Variants in PRPF6 observed in about 807,000 individuals in gnomAD.
PRPF6 encodes the protein pre-mRNA-processing factor 6.
A neutral mutation model predicts 118.3 loss-of-function variants in PRPF6; 42 were observed. The ratio of observed to expected loss-of-function variants is 0.35; its 90% CI spans 0.28 to 0.46. PRPF6 has a LOEUF of 0.46. Ranked by LOEUF, PRPF6 falls within the 20% of genes least tolerant of loss-of-function variation. The probability of loss-of-function intolerance (pLI) is 1.00; values close to 1 mark genes in which losing one functional copy is unlikely to be tolerated. For synonymous variants in PRPF6, 481 were observed against 485.1 expected, an observed-to-expected ratio of 0.99 and a Z score of 0.11; for missense variants, 662 against 1,255.7, an observed-to-expected ratio of 0.53 and a Z score of 7.15.
At chr20:63,992,809 C>T (rs936451894) in intron 3 of PRPF6, among the ~76,000 whole-genome samples, 2 of 152,060 alleles carry the variant, frequency 1.3e-5, no homozygotes, top group Non-Finnish European at 2.9e-5. Flanking sequence ...TCTTGGCTCA[C>T]TGCACCCTCT....
At chr20:63,991,846 TACAA>T (rs1367607081) in intron 3 of PRPF6, among the ~76,000 whole-genome samples, 1 of 152,102 alleles carries the variant, frequency 6.6e-6, no homozygotes, top group Non-Finnish European at 1.5e-5. Context: ...ACTGTCGTAA[TACAA>T]ACAAGTAGGA....
At chr20:63,995,818 G>A (rs562197841) in intron 6 of PRPF6, among the ~76,000 whole-genome samples, 244 of 151,736 alleles carry the variant, frequency 1.6e-3, no homozygotes, top group African/African-American at 5.5e-3. Flanking sequence ...CACCACACCC[G>A]GCTAATTTTT....
chr20:64,008,609 G>A (rs368476335), intron 9 of PRPF6, among the ~76,000 whole-genome samples: 1 of 147,144 alleles, frequency 6.8e-6, no homozygotes, highest in Admixed American at 6.7e-5. Flanking sequence ...GTGCAAAACG[G>A]TGACATTATA....
chr20:64,031,396 G>A (rs1037911752), intron 19 of PRPF6, among the ~76,000 whole-genome samples: 10 of 152,222 alleles, frequency 6.6e-5, no homozygotes, highest in Admixed American at 2.0e-4. Flanking sequence ...AACAGTTTGG[G>A]ACAGGTGCGG....
chr20:64,000,946 G>GT, intron 8 of PRPF6, 131 bp from the exon 9 acceptor site: 4 of 914,332 alleles, frequency 4.4e-6, no homozygotes, highest in Non-Finnish European at 7.0e-6. Context: ...GTGCAGGTGT[G>GT]TTAGAGGCTG....
intron 12 of PRPF6, 146 bp from the exon 13 acceptor site, chr20:64,022,611 A>G (rs1431449174): frequency 7.8e-7 from 1 of 1,287,736 alleles, no homozygotes; most frequent in Non-Finnish European, 1.1e-6. Context: ...CCTGGCCTGG[A>G]TTGTGGTTCT....
intron 9 of PRPF6, among the ~76,000 whole-genome samples, chr20:64,003,387 T>C (rs1468980139): frequency 6.6e-6 from 1 of 152,218 alleles, no homozygotes; most frequent in Non-Finnish European, 1.5e-5. Context: ...GATAGGACCG[T>C]GCAGATGAGG....
chr20:64,010,263 A>C lies in PRPF6; in HGVS notation c.1250A>C (p.Glu417Ala). ...GCAGCCGTTGAGCTGGAAGAACCTGAAGATGCTAGAATCATGCTGAGCCGA... is the reference window on the plus strand; with the variant it reads ...GCAGCCGTTGAGCTGGAAGAACCTGCAGATGCTAGAATCATGCTGAGCCGA... ...WKAAVELEEP[E>A]DARIMLSRAV... Residue 417 changes from glutamate (E) to alanine (A), a missense_variant, in exon 10 of 21, where the codon GAA (glutamate) becomes GCA (alanine). This residue lies in a region of PRPF6 where 189 missense variants were observed against 323.5 expected (regional missense o/e 0.58). Transcript: ENST00000266079. 6.2e-7 allele frequency: 1 copy of C among 1,614,148 alleles called. No homozygotes were observed. Among genetic ancestry groups the C allele is most frequent in the Non-Finnish European group, 8.5e-7 (1 of 1,180,032 alleles).
chr20:64,005,498 G>C (rs909061621), intron 9 of PRPF6, among the ~76,000 whole-genome samples: 1 of 152,138 alleles, frequency 6.6e-6, no homozygotes, highest in Non-Finnish European at 1.5e-5. Context: ...CCTGGTTGGA[G>C]GTTAGGACTT....
intron 20 of PRPF6, among the ~76,000 whole-genome samples, chr20:64,032,498 C>T (rs2059319519): frequency 6.6e-6 from 1 of 152,158 alleles, no homozygotes; most frequent in Non-Finnish European, 1.5e-5. Context: ...GTCAGGCTGT[C>T]CTGGTCCTCC....
chr20:64,000,259 C>A (rs188804340), intron 8 of PRPF6, among the ~76,000 whole-genome samples: 1 of 152,148 alleles, frequency 6.6e-6, no homozygotes, highest in Admixed American at 6.5e-5. Context: ...GAGGCTGAGG[C>A]GGGTGGATCA....
intron 12 of PRPF6, among the ~76,000 whole-genome samples, chr20:64,017,116 G>A (rs1208923754): frequency 1.3e-4 from 20 of 152,074 alleles, no homozygotes; most frequent in Admixed American, 1.2e-3. Flanking sequence ...CTAATTTTTT[G>A]TATTTTTAGT....
intron 9 of PRPF6, among the ~76,000 whole-genome samples, chr20:64,003,172 C>G (rs2059175351): frequency 6.6e-6 from 1 of 152,138 alleles, no homozygotes; most frequent in Admixed American, 6.5e-5. Flanking sequence ...AAACTCCCAT[C>G]CTCAAGTGAT....
rs116050541 is a variant in PRPF6 at position 64,022,971 on chromosome 20, C to T, written c.1769+93C>T. 1.1e-3 allele frequency: 1,770 copies of T among 1,588,412 alleles called. 25 individuals carry two copies. In the African/African-American group the frequency reaches 0.021, roughly 19 times the overall value. On this transcript the variant is annotated intron_variant, in intron 13 of 20. Transcript: ENST00000266079. ...ATTTAAACCTCTCATGTCTGCTCAT[C>T]CAGTCTTGTGCCCATTTGAGGTCTG...
At chr20:64,032,705 G>T in intron 20 of PRPF6, 136 bp from the exon 21 acceptor site, 1 of 1,133,736 alleles carries the variant, frequency 8.8e-7, no homozygotes, top group Non-Finnish European at 1.3e-6. Context: ...TTCCGGTGCA[G>T]GGCCTGTGCC....
At position 64,016,706 on chromosome 20, in the gene PRPF6, T is replaced by C; in HGVS notation, c.1525-17T>C. 6.2e-7 allele frequency: 1 copy of C among 1,613,866 alleles called. No individual in the cohort carries two copies. The highest frequency in any genetic ancestry group is 8.5e-7 in the Non-Finnish European group (1 of 1,179,882). On this transcript the variant is annotated splice_polypyrimidine_tract_variant and intron_variant, in intron 11 of 20. Coordinates refer to ENST00000266079, the MANE Select transcript of PRPF6 (RefSeq NM_012469.4). ...TGATTTCCAAAATCACAAATAAGTT[T>C]TGTGTTCCTCTTTCAGGATGCCGAG...
intron 6 of PRPF6, among the ~76,000 whole-genome samples, chr20:63,998,357 T>C (rs369654356): frequency 1.3e-5 from 2 of 150,946 alleles, no homozygotes; most frequent in South Asian, 2.1e-4. Context: ...CCTCCCAAAG[T>C]GCTGGGTTTA....
rs2059157722 is a variant in PRPF6 at position 63,999,651 on chromosome 20, C to T, written c.915C>T (p.Asn305=). The change falls in exon 8 of 21, where the codon AAC becomes AAT. Residue 305 remains asparagine, a synonymous_variant. Transcript: ENST00000266079. The part of the protein sequence containing the change: ...RLLLKSVRET[N]PHHPPAWIAS... ...TCCTCAAGTCTGTTCGGGAGACGAA[C>T]CCTCATCACCCGCCAGCCTGGATTG... 6.2e-7 allele frequency: 1 copy of T among 1,614,216 alleles called. No homozygotes were observed. Among genetic ancestry groups the T allele is most frequent in the Non-Finnish European group, 8.5e-7 (1 of 1,180,048 alleles).
At chr20:64,013,457 T>C (rs1193252531) in intron 11 of PRPF6, among the ~76,000 whole-genome samples, 4 of 152,088 alleles carry the variant, frequency 2.6e-5, no homozygotes, top group Non-Finnish European at 5.9e-5. Flanking sequence ...TTTCCTTCTT[T>C]CTTTCTTGAG....
Sources: allele counts gnomAD v4.1 joint callset (sites outside exome capture counted in the v4.1 genomes callset), GRCh38; gene constraint gnomAD v4.1.1; regional missense constraint gnomAD v4.1.1; transcripts MANE v1.5; gene names NCBI Gene and HGNC (gene_info 2026-07-23, HGNC 2026-07-21).